RAB11FIP3: variants seen among roughly 807,000 people sequenced by gnomAD.
RAB11FIP3 encodes rab11 family-interacting protein 3.
A neutral mutation model predicts 77.8 loss-of-function variants in RAB11FIP3; 17 were observed. The ratio of observed to expected loss-of-function variants is 0.22; its 90% CI spans 0.15 to 0.33. The LOEUF is 0.33. Among genes scored for constraint, RAB11FIP3 ranks in the 10% least tolerant of loss-of-function variants. RAB11FIP3 has a pLI of 1.00. For missense variants in RAB11FIP3, 1,005 were observed against 1,011.2 expected (o/e 0.99, Z 0.08); for synonymous variants, 437 against 448.2 (o/e 0.98, Z 0.31).
intron 1 of RAB11FIP3, among the ~76,000 whole-genome samples, chr16:454,879 G>T (rs997050475): frequency 2.6e-5 from 4 of 151,730 alleles, no homozygotes; most frequent in Non-Finnish European, 5.9e-5. Context: ...GCAAAACGAC[G>T]TCTCTACTAA....
chr16:434,870 C>T (rs2055102591), intron 1 of RAB11FIP3, among the ~76,000 whole-genome samples: 1 of 151,874 alleles, frequency 6.6e-6, no homozygotes, highest in Non-Finnish European at 1.5e-5. Flanking sequence ...TTAAGACCAG[C>T]TGGCCAACAT....
chr16:462,726 C>T (rs2055633127), intron 2 of RAB11FIP3, among the ~76,000 whole-genome samples: 1 of 146,644 alleles, frequency 6.8e-6, no homozygotes, highest in Non-Finnish European at 1.5e-5. Context: ...CCAGTCCCTT[C>T]CCCAGCACCA....
In RAB11FIP3 at chr16:471,468, G is replaced by A; in HGVS notation, c.903+79G>A. On this transcript the variant is annotated intron_variant, in intron 3 of 13. Coordinates refer to ENST00000262305, the MANE Select transcript of RAB11FIP3 (RefSeq NM_014700.4). This position sits in a 1 kb window ranked among gnomAD's most constrained non-coding sequence, Gnocchi z 4.4. The stretch of plus-strand genomic sequence containing the variant: ...TTATGCCCTACAGCTCGTGCCTCCT[G>A]CCTCCGGGCTGTCTTCCGTAGAAGC... The A allele has an allele frequency of 8.2e-7, 1 of 1,225,884 alleles. No individual in the cohort carries two copies. Among genetic ancestry groups the A allele is most frequent in the Non-Finnish European group, 1.2e-6 (1 of 851,678 alleles). The allele number at this position is 1,225,884 out of a possible 1,614,324, so 75.9% of individuals were successfully genotyped here.
intron 6 of RAB11FIP3, among the ~76,000 whole-genome samples, chr16:500,687 CAAAAAAAAAAAAAA>C (rs56771770): frequency 0.017 from 375 of 22,328 alleles, 7 homozygotes; most frequent in Admixed American, 0.025. Context: ...GACTCTGTCG[CAAAAAAAAAAAAAA>C]AAAAAAAAAA....
intron 4 of RAB11FIP3, among the ~76,000 whole-genome samples, chr16:487,895 T>C (rs545261738): frequency 6.6e-6 from 1 of 152,148 alleles, no homozygotes; most frequent in South Asian, 2.1e-4. Context: ...CGCCCCCCAG[T>C]GGTTGTGTGA....
intron 1 of RAB11FIP3, among the ~76,000 whole-genome samples, chr16:445,261 C>T (rs1464527340): frequency 6.8e-6 from 1 of 148,038 alleles, no homozygotes; most frequent in Admixed American, 6.9e-5. Flanking sequence ...GGTGAAACCC[C>T]GAATCTACTA....
chr16:487,929 G>C (rs1230402179), intron 4 of RAB11FIP3, among the ~76,000 whole-genome samples: 1 of 152,202 alleles, frequency 6.6e-6, no homozygotes, highest in Non-Finnish European at 1.5e-5. Context: ...CTAGGGAAGA[G>C]GCAGAGGTGC....
At chr16:477,304 T>C (rs2055935513) in intron 3 of RAB11FIP3, among the ~76,000 whole-genome samples, 2 of 152,068 alleles carry the variant, frequency 1.3e-5, no homozygotes, top group African/African-American at 2.4e-5. Flanking sequence ...CTGAACCTGA[T>C]GTTGTAATAA....
chr16:477,548 A>G (rs1403771365), intron 3 of RAB11FIP3: 2 of 864,404 alleles, frequency 2.3e-6, no homozygotes, highest in Non-Finnish European at 2.8e-6. Flanking sequence ...TTTCCTGGCC[A>G]CTCCCGCCTT....
Position 505,826 on chromosome 16 carries a change from A to C in RAB11FIP3, c.1499+199A>C, listed in dbSNP as rs1408850876. On this transcript the variant is annotated intron_variant, in intron 8 of 13. Coordinates refer to ENST00000262305, the MANE Select transcript of RAB11FIP3 (RefSeq NM_014700.4). The surrounding 1 kb of genome is among the most constrained non-coding windows in gnomAD (Gnocchi z 4.0). ...TGCAGGCAGGCGACCCGAGGCTCTGACTGGTGCTCTCATGGAACCCTAGAC... is the reference window on the plus strand; with the variant it reads ...TGCAGGCAGGCGACCCGAGGCTCTGCCTGGTGCTCTCATGGAACCCTAGAC... Among the ~76,000 whole-genome samples the C allele has an allele frequency of 6.6e-6, 1 of 152,094 alleles. No homozygotes were observed. The highest frequency in any genetic ancestry group is 1.5e-5 in the Non-Finnish European group (1 of 68,008).
chr16:452,343 A>T (rs1336211265), intron 1 of RAB11FIP3: 1 of 152,136 alleles, frequency 6.6e-6, no homozygotes, highest in African/African-American at 2.4e-5. Flanking sequence ...TTAAAAAAGG[A>T]AACAAAAAAA....
rs560931541 is a variant in RAB11FIP3, at chr16:503,881, CCTT to C, written c.1395+787_1395+789del. Among the ~76,000 whole-genome samples, 27 of 151,638 alleles carry C rather than the reference CCTT, an allele frequency of 1.8e-4. No individual in the cohort carries two copies. In the East Asian group the frequency reaches 5.2e-3, roughly 29 times the overall value. Reference sequence around the variant, plus strand: ...GGCGACAGAGGGAGACTCCGTCTCACCTTCTGCACCCCCTCACCTTCTGTGACC... The same window carrying C: ...GGCGACAGAGGGAGACTCCGTCTCACCTGCACCCCCTCACCTTCTGTGACC... On this transcript the variant is annotated intron_variant, in intron 7 of 13. Transcript: ENST00000262305.
At chr16:427,597 C>T (rs574567309) in intron 1 of RAB11FIP3, among the ~76,000 whole-genome samples, 93 of 152,328 alleles carry the variant, frequency 6.1e-4, no homozygotes, top group Admixed American at 2.0e-3. Flanking sequence ...ACCCGGTGGA[C>T]ATCAAATAAT....
In RAB11FIP3 at chr16:425,845, A is replaced by C. The variant is rs1488125793; in HGVS notation, c.-162A>C. 1 of 287,402 alleles carries C rather than the reference A, an allele frequency of 3.5e-6. No individual in the cohort carries two copies. The highest frequency in any genetic ancestry group is 5.8e-5 in the East Asian group (1 of 17,304). 17.8% of individuals were successfully genotyped at this position (287,402 alleles called of 1,614,324 possible). A position where few individuals can be genotyped will look rare whatever the true frequency, so the allele number is the denominator to read the frequency against. ...CGAGGGCAGCTGAGGCGCGGTGCGA[A>C]GATGGGCGAGGACAGAGCAGGGCCC... On this transcript the variant is annotated 5_prime_UTR_variant, in exon 1 of 14. Transcript: ENST00000262305.
chr16:490,820 A>G (rs2030107193), intron 5 of RAB11FIP3, among the ~76,000 whole-genome samples: 1 of 152,176 alleles, frequency 6.6e-6, no homozygotes, highest in Admixed American at 6.5e-5. Flanking sequence ...CTTGTTAAAG[A>G]AGGGCTTTTG....
intron 2 of RAB11FIP3, among the ~76,000 whole-genome samples, chr16:469,023 A>C (rs1349356632): frequency 6.6e-6 from 1 of 152,170 alleles, no homozygotes; most frequent in African/African-American, 2.4e-5. Context: ...AGCGCAGGCA[A>C]GACTGTTAGC....
At position 520,533 on chromosome 16, in the gene RAB11FIP3, G is replaced by A. The variant is rs773448995; in HGVS notation, c.2091G>A (p.Lys697=). ...TTACCCTCAGCATCCAGGGCGCCAA[G>A]AGCCTCTTCTCCACAGCCTTCTCTG... The part of the protein sequence containing the change: ...QIITLSIQGA[K]SLFSTAFSES... The change falls in exon 13 of 14, where the codon AAG becomes AAA. Residue 697 remains lysine, a synonymous_variant. Coordinates refer to ENST00000262305, the MANE Select transcript of RAB11FIP3 (RefSeq NM_014700.4). 5.0e-6 allele frequency: 8 copies of A among 1,613,720 alleles called. No homozygotes were observed. Among genetic ancestry groups the A allele is most frequent in the Admixed American group, 3.3e-5 (2 of 60,030 alleles).
intron 9 of RAB11FIP3, among the ~76,000 whole-genome samples, chr16:516,430 A>G (rs767975195): frequency 1.2e-4 from 18 of 152,210 alleles, no homozygotes; most frequent in Non-Finnish European, 2.5e-4. Context: ...GAGCACAGAC[A>G]CTGAGGTTAT....
chr16:458,005 C>T (rs764879130), intron 1 of RAB11FIP3, among the ~76,000 whole-genome samples: 4 of 152,250 alleles, frequency 2.6e-5, no homozygotes, highest in Non-Finnish European at 5.9e-5. Context: ...CACGCTAGCA[C>T]ACAGAGCCCT....
Sources: gnomAD v4.1 joint callset for allele counts (sites outside exome capture counted in the v4.1 genomes callset) on GRCh38, gnomAD v4.1.1 for gene constraint, Gnocchi (gnomAD v3.1) non-coding constraint, MANE v1.5 for transcripts, NCBI Gene and HGNC (gene_info 2026-07-23, HGNC 2026-07-21) for gene names.